FUT9: variants seen among roughly 807,000 people sequenced by gnomAD.
The protein encoded by FUT9 is 4-galactosyl-N-acetylglucosaminide 3-alpha-L-fucosyltransferase 9.
A neutral mutation model predicts 29.7 loss-of-function variants in FUT9; 15 were observed. That is an observed-to-expected ratio of 0.51 (90% CI 0.34 to 0.78). The LOEUF (loss-of-function observed/expected upper bound fraction) is 0.78, where lower values mean the gene tolerates loss of function less well. FUT9 is among the 30% of genes least tolerant of loss of function. The pLI is 0.01. For missense variants in FUT9, 319 were observed against 425.4 expected, an observed-to-expected ratio of 0.75 and a Z score of 2.20; for synonymous variants, 169 against 153.7, an observed-to-expected ratio of 1.10 and a Z score of -0.74.
intron 1 of FUT9, among the ~76,000 whole-genome samples, chr6:96,039,747 C>A (rs187724124): frequency 1.8e-4 from 27 of 152,188 alleles, no homozygotes; most frequent in African/African-American, 6.3e-4. Context: ...AGGACAGAGA[C>A]CTTATCTATC....
chr6:96,121,270 A>C (rs1053631612), intron 2 of FUT9, among the ~76,000 whole-genome samples: 2 of 152,196 alleles, frequency 1.3e-5, no homozygotes, highest in Admixed American at 6.5e-5. Flanking sequence ...CAACATGCAG[A>C]TATAAGCAGT....
At chr6:96,053,412 G>A (rs1770707657) in intron 1 of FUT9, among the ~76,000 whole-genome samples, 1 of 152,046 alleles carries the variant, frequency 6.6e-6, no homozygotes, top group Non-Finnish European at 1.5e-5. Flanking sequence ...TCAAACTTAA[G>A]AAAATAAATT....
chr6:96,019,045 T>C (rs1036545751), intron 1 of FUT9, among the ~76,000 whole-genome samples: 1 of 151,990 alleles, frequency 6.6e-6, no homozygotes, highest in African/African-American at 2.4e-5. Context: ...TCCTTAATTA[T>C]AGCAATAATA....
chr6:96,122,428 A>G (rs1340855846), intron 2 of FUT9, among the ~76,000 whole-genome samples: 2 of 152,190 alleles, frequency 1.3e-5, no homozygotes, highest in Non-Finnish European at 2.9e-5. Context: ...TTAAAGCAAT[A>G]TTTAAAAGGT....
intron 2 of FUT9, among the ~76,000 whole-genome samples, chr6:96,135,884 T>C (rs1189838852): frequency 6.6e-6 from 1 of 151,386 alleles, no homozygotes; most frequent in Non-Finnish European, 1.5e-5. Flanking sequence ...AGCAAACATT[T>C]CTTTCCAAGA....
intron 2 of FUT9, among the ~76,000 whole-genome samples, chr6:96,136,634 T>A (rs1772353390): frequency 2.6e-5 from 4 of 151,976 alleles, no homozygotes. Context: ...GAAAGACTTA[T>A]ATCATGCTTA....
At chr6:96,158,221 A>G (rs1259960733) in intron 2 of FUT9, among the ~76,000 whole-genome samples, 3 of 152,102 alleles carry the variant, frequency 2.0e-5, no homozygotes, top group Non-Finnish European at 2.9e-5. Flanking sequence ...TCTGATTTTT[A>G]TATTTTTAAA....
intron 2 of FUT9, among the ~76,000 whole-genome samples, chr6:96,179,662 G>A (rs1773270004): frequency 6.6e-6 from 1 of 151,898 alleles, no homozygotes; most frequent in South Asian, 2.1e-4. Context: ...TACCTTGCTG[G>A]CTGAAAGAAA....
At chr6:96,089,085 C>G (rs1582221545) in intron 1 of FUT9, among the ~76,000 whole-genome samples, 1 of 152,144 alleles carries the variant, frequency 6.6e-6, no homozygotes, top group East Asian at 1.9e-4. Flanking sequence ...ATTGTTTACT[C>G]TCTTTGATCG....
At chr6:96,058,930 A>C (rs1344069760) in intron 1 of FUT9, among the ~76,000 whole-genome samples, 1 of 152,212 alleles carries the variant, frequency 6.6e-6, no homozygotes, top group Non-Finnish European at 1.5e-5. Flanking sequence ...TATTGGGACT[A>C]ATGATATGTT....
intron 1 of FUT9, among the ~76,000 whole-genome samples, chr6:96,084,445 A>G (rs539753508): frequency 6.6e-6 from 1 of 152,252 alleles, no homozygotes; most frequent in African/African-American, 2.4e-5. Context: ...TTACAAATAT[A>G]TATCTAAATA....
intron 2 of FUT9, among the ~76,000 whole-genome samples, chr6:96,172,958 A>G (rs1056030425): frequency 1.3e-5 from 2 of 152,160 alleles, no homozygotes; most frequent in Non-Finnish European, 2.9e-5. Context: ...ACATTTTTAT[A>G]AGGCTGGAGT....
chr6:96,050,218 C>T (rs1452994039), intron 1 of FUT9, among the ~76,000 whole-genome samples: 1 of 152,118 alleles, frequency 6.6e-6, no homozygotes, highest in Non-Finnish European at 1.5e-5. Flanking sequence ...TAGGACCCTT[C>T]TGAGAGCAGG....
chr6:96,075,627 T>G (rs1357627791), intron 1 of FUT9, among the ~76,000 whole-genome samples: 2 of 152,212 alleles, frequency 1.3e-5, no homozygotes, highest in Non-Finnish European at 2.9e-5. Context: ...GACTTGGATC[T>G]TCTTATAATA....
At chr6:96,017,333 G>A (rs1247709086) in intron 1 of FUT9, among the ~76,000 whole-genome samples, 2 of 152,184 alleles carry the variant, frequency 1.3e-5, no homozygotes, top group Non-Finnish European at 2.9e-5. Flanking sequence ...CTTAGCACCA[G>A]ACGGTATTGC....
rs56721795 is a variant in FUT9, at chr6:96,172,823, G to GT, written c.-8-30323dup. 2.0e-5 allele frequency among the ~76,000 whole-genome samples: 3 copies of GT among 151,684 alleles called. No individual in the cohort carries two copies. The East Asian group carries it at 5.8e-4, about 29-fold the overall frequency. ...TTTGGAGGACAAAATAAAGAGATAGGTTCTCAATCTTGAAGGGAGCACTTT... is the reference window on the plus strand; with the variant it reads ...TTTGGAGGACAAAATAAAGAGATAGGTTTCTCAATCTTGAAGGGAGCACTTT... On this transcript the variant is annotated intron_variant, in intron 2 of 2. Coordinates refer to ENST00000302103, the MANE Select transcript of FUT9 (RefSeq NM_006581.4).
chr6:96,036,067 A>C (rs2127929650), intron 1 of FUT9, among the ~76,000 whole-genome samples: 1 of 139,768 alleles, frequency 7.2e-6, no homozygotes, highest in East Asian at 2.1e-4. Context: ...AATATAATAT[A>C]ATACAGTATT....
At chr6:96,177,764 C>A (rs1773230263) in intron 2 of FUT9, among the ~76,000 whole-genome samples, 1 of 152,096 alleles carries the variant, frequency 6.6e-6, no homozygotes, top group Non-Finnish European at 1.5e-5. Context: ...TCATTTAATT[C>A]TCAAAACAAT....
At chr6:96,099,874 A>G (rs1771557664) in intron 1 of FUT9, among the ~76,000 whole-genome samples, 1 of 152,162 alleles carries the variant, frequency 6.6e-6, no homozygotes, top group Admixed American at 6.5e-5. Context: ...AACCTTGTAC[A>G]TTATGTGCAA....
Sources: gnomAD v4.1 joint callset for allele counts (sites outside exome capture counted in the v4.1 genomes callset) on GRCh38, gnomAD v4.1.1 for gene constraint, MANE v1.5 for transcripts, NCBI Gene and HGNC (gene_info 2026-07-23, HGNC 2026-07-21) for gene names.